The following GAB1 variants were observed in gnomAD, a reference collection of about 807,000 sequenced individuals.
GAB1 encodes the protein GRB2 associated binding protein 1.
Under a neutral mutation model 66.5 loss-of-function variants are expected in GAB1, and 19 were observed. That is an observed-to-expected ratio of 0.29 (90% CI 0.20 to 0.42). The LOEUF (loss-of-function observed/expected upper bound fraction) is 0.42. Ranked by LOEUF, GAB1 falls within the 10% of genes least tolerant of loss-of-function variation. The pLI is 1.00. For synonymous variants in GAB1, 294 were observed against 301.4 expected (o/e 0.98, Z 0.25); for missense variants, 732 against 858.5 (o/e 0.85, Z 1.84).
chr4:143,396,803 C>G (rs1434470581), intron 1 of GAB1, among the ~76,000 whole-genome samples: 4 of 152,210 alleles, frequency 2.6e-5, no homozygotes, highest in Non-Finnish European at 5.9e-5. Context: ...ATTTTAAAAA[C>G]TGTACACAGG....
intron 1 of GAB1, among the ~76,000 whole-genome samples, chr4:143,368,429 G>C (rs1275402573): frequency 6.6e-6 from 1 of 152,152 alleles, no homozygotes; most frequent in East Asian, 1.9e-4. Context: ...TATTTAAACA[G>C]TTTGAAAACT....
At chr4:143,435,070 G>A (rs374204895) in intron 3 of GAB1, among the ~76,000 whole-genome samples, 12 of 151,880 alleles carry the variant, frequency 7.9e-5, no homozygotes, top group African/African-American at 2.7e-4. Flanking sequence ...TTATAATTAA[G>A]CATTATTTTA....
At chr4:143,378,933 A>G (rs1172039605) in intron 1 of GAB1, among the ~76,000 whole-genome samples, 2 of 152,154 alleles carry the variant, frequency 1.3e-5, no homozygotes, top group African/African-American at 2.4e-5. Flanking sequence ...TGGAGAGACC[A>G]TGGCCTCCCA....
rs1480996412 is a variant in GAB1 at position 143,349,684 on chromosome 4, G to C, written c.72+12424G>C. ...GTGCACGGGGACAATGGAGAGCTTG[G>C]CCAGGATGATGGCCCCACAGATGGC... On this transcript the variant is annotated intron_variant, in intron 1 of 9. Coordinates refer to ENST00000262994, the MANE Select transcript of GAB1 (RefSeq NM_002039.4). 7.2e-6 allele frequency: 11 copies of C among 1,527,758 alleles called. No individual in the cohort carries two copies. The East Asian group carries it at 2.5e-4, about 35-fold the overall frequency. The allele number at this position is 1,527,758 out of a possible 1,614,324, so 94.6% of individuals were successfully genotyped here.
intron 1 of GAB1, among the ~76,000 whole-genome samples, chr4:143,370,976 C>G (rs1304136473): frequency 6.6e-6 from 1 of 152,182 alleles, no homozygotes; most frequent in Non-Finnish European, 1.5e-5. Context: ...GGTTCCAAGT[C>G]TTTACTATTG....
intron 6 of GAB1, among the ~76,000 whole-genome samples, chr4:143,443,082 T>C (rs1423283404): frequency 6.7e-6 from 1 of 149,844 alleles, no homozygotes; most frequent in Non-Finnish European, 1.5e-5. Flanking sequence ...AGTGGCGCGA[T>C]CTCGGCTCAC....
chr4:143,379,211 A>G lies in GAB1; in HGVS notation c.73-36266A>G, dbSNP rs1244892920. On this transcript the variant is annotated intron_variant, in intron 1 of 9. Transcript: ENST00000262994. ...AGGCAAGTTGAAAAGGGTTTATTAA[A>G]GTATTAATGTTTGTGTCAAATGTAT... 3.9e-5 allele frequency among the ~76,000 whole-genome samples: 6 copies of G among 152,252 alleles called. No homozygotes were observed. In the East Asian group the frequency reaches 1.2e-3, roughly 29 times the overall value.
chr4:143,415,352 C>G (rs1384295126), intron 1 of GAB1, 125 bp from the exon 2 acceptor site: 1 of 751,364 alleles, frequency 1.3e-6, no homozygotes, highest in Non-Finnish European at 2.1e-6. Context: ...AACACACACA[C>G]AAACACACAC....
intron 1 of GAB1, among the ~76,000 whole-genome samples, chr4:143,376,174 G>A (rs1041819138): frequency 6.6e-6 from 1 of 151,954 alleles, no homozygotes; most frequent in African/African-American, 2.4e-5. Context: ...TATAACCTAA[G>A]GGAAGGAATG....
chr4:143,432,899 AAAGTT>A (rs2149745785), intron 2 of GAB1, among the ~76,000 whole-genome samples: 1 of 152,344 alleles, frequency 6.6e-6, no homozygotes, highest in South Asian at 2.1e-4. Context: ...AATGGCAAAT[AAAGTT>A]ATGAGCTGAG....
chr4:143,456,277 G>A (rs925123427), intron 6 of GAB1, among the ~76,000 whole-genome samples: 3 of 152,122 alleles, frequency 2.0e-5, no homozygotes, highest in African/African-American at 7.2e-5. Context: ...CTAACACGGT[G>A]AAACCCCACC....
chr4:143,369,546 A>G (rs1730029249), intron 1 of GAB1, among the ~76,000 whole-genome samples: 1 of 152,256 alleles, frequency 6.6e-6, no homozygotes, highest in Non-Finnish European at 1.5e-5. Context: ...AGCCTCAATA[A>G]TAGAAGATGA....
intron 6 of GAB1, among the ~76,000 whole-genome samples, chr4:143,445,990 G>C (rs1280275703): frequency 6.6e-6 from 1 of 151,796 alleles, no homozygotes; most frequent in African/African-American, 2.4e-5. Flanking sequence ...TCCCCTTCCT[G>C]TGTCCATCTG....
In GAB1 at chr4:143,474,512, G is replaced by T. The variant is rs1405716224; in HGVS notation, c.*5323G>T. 6.6e-6 allele frequency: 1 copy of T among 152,174 alleles called. No individual in the cohort carries two copies. The highest frequency in any genetic ancestry group is 1.5e-5 in the Non-Finnish European group (1 of 68,044). The allele number at this position is 152,174 out of a possible 1,614,324, so 9.4% of individuals were successfully genotyped here. A position where few individuals can be genotyped will look rare whatever the true frequency, so the allele number is the denominator to read the frequency against. ...GATGTTGCTGTGAATATATTTTGTAGATGTGATTAACATTTACAATCAGTT... is the reference window on the plus strand; with the variant it reads ...GATGTTGCTGTGAATATATTTTGTATATGTGATTAACATTTACAATCAGTT... On this transcript the variant is annotated 3_prime_UTR_variant, in exon 10 of 10. Coordinates refer to ENST00000262994, the MANE Select transcript of GAB1 (RefSeq NM_002039.4).
intron 1 of GAB1, among the ~76,000 whole-genome samples, chr4:143,347,132 A>G (rs916635461): frequency 5.3e-5 from 8 of 152,234 alleles, no homozygotes; most frequent in African/African-American, 1.9e-4. Flanking sequence ...GGTGTTTGTA[A>G]TAGGATATTA....
chr4:143,352,733 A>C (rs1442229657), intron 1 of GAB1, among the ~76,000 whole-genome samples: 2 of 152,206 alleles, frequency 1.3e-5, no homozygotes, highest in Non-Finnish European at 2.9e-5. Flanking sequence ...TGAGTTGGGC[A>C]TAGAGGGAAA....
At chr4:143,365,784 T>C (rs2149660964) in intron 1 of GAB1, among the ~76,000 whole-genome samples, 1 of 152,354 alleles carries the variant, frequency 6.6e-6, no homozygotes, top group East Asian at 1.9e-4. Context: ...TATGGGAAAA[T>C]GCATTGAGTT....
At chr4:143,395,505 A>G (rs1008480085) in intron 1 of GAB1, 2 of 192,086 alleles carry the variant, frequency 1.0e-5, no homozygotes, top group African/African-American at 4.8e-5. Context: ...AGTTGAGTAC[A>G]TTAAAAGGGA....
intron 1 of GAB1, among the ~76,000 whole-genome samples, chr4:143,393,608 C>G (rs1032605700): frequency 6.6e-6 from 1 of 152,100 alleles, no homozygotes; most frequent in East Asian, 1.9e-4. Flanking sequence ...ATTGTTATTG[C>G]ATTGGAAAAA....
Sources: gnomAD v4.1 joint callset for allele counts (sites outside exome capture counted in the v4.1 genomes callset) on GRCh38, gnomAD v4.1.1 for gene constraint, MANE v1.5 for transcripts, NCBI Gene and HGNC (gene_info 2026-07-23, HGNC 2026-07-21) for gene names.